The following ADAM29 variants were observed in gnomAD, a reference collection of about 807,000 sequenced individuals.
The protein encoded by ADAM29 is disintegrin and metalloproteinase domain-containing protein 29.
For missense variants in ADAM29, 969 were observed against 1,001.8 expected, an observed-to-expected ratio of 0.97 and a Z score of 0.44; for synonymous variants, 367 against 342.3, an observed-to-expected ratio of 1.07 and a Z score of -0.80.
In ADAM29 at chr4:174,943,701, C is replaced by A. The variant is rs182495740; in HGVS notation, c.-181+6688C>A. On this transcript the variant is annotated intron_variant, in intron 4 of 4. Coordinates refer to ENST00000359240, the MANE Select transcript of ADAM29 (RefSeq NM_014269.4). ...TTGGGTGGGGACACAAGAGTCAAACCATATTAAGGACCTTCTTTCGTCCTG... is the reference window on the plus strand; with the variant it reads ...TTGGGTGGGGACACAAGAGTCAAACAATATTAAGGACCTTCTTTCGTCCTG... 8.0e-3 allele frequency among the ~76,000 whole-genome samples: 1,224 copies of A among 152,108 alleles called. 8 individuals carry two copies. The highest frequency in any genetic ancestry group is 0.012 in the Non-Finnish European group (811 of 67,994).
At chr4:174,971,809 T>C (rs1412396428) in intron 4 of ADAM29, among the ~76,000 whole-genome samples, 3 of 152,270 alleles carry the variant, frequency 2.0e-5, no homozygotes, top group East Asian at 3.9e-4. Flanking sequence ...TTCTCTCTTC[T>C]CCTCTGATAC....
rs187901568 is a variant in ADAM29 at position 174,919,837 on chromosome 4, C to T, written c.-556-850C>T. On this transcript the variant is annotated intron_variant, in intron 1 of 4. Transcript: ENST00000359240. ...TTACATAATCCAATCACTCAAGTGA[C>T]ATTTATCATATTCAAAGATCCTACT... is the stretch of plus-strand genomic sequence containing the variant. Among the ~76,000 whole-genome samples, 17 of 152,292 alleles carry T rather than the reference C, an allele frequency of 1.1e-4. No homozygotes were observed. In the East Asian group the frequency reaches 3.3e-3, roughly 29 times the overall value.
chr4:174,926,251 C>A (rs755789989), intron 2 of ADAM29, among the ~76,000 whole-genome samples: 13 of 152,052 alleles, frequency 8.5e-5, no homozygotes, highest in Non-Finnish European at 1.6e-4. Context: ...AAAGAAAAAA[C>A]CGTATCGATA....
At chr4:174,971,054 T>G (rs188907425) in intron 4 of ADAM29, among the ~76,000 whole-genome samples, 17 of 152,174 alleles carry the variant, frequency 1.1e-4, no homozygotes, top group Admixed American at 7.2e-4. Flanking sequence ...TCCATTCATA[T>G]TGTGTCTCTT....
chr4:174,928,198 A>G (rs1743626804), intron 2 of ADAM29, among the ~76,000 whole-genome samples: 1 of 152,104 alleles, frequency 6.6e-6, no homozygotes, highest in South Asian at 2.1e-4. Flanking sequence ...ATTTATTATC[A>G]GTCCTGCCGG....
In ADAM29 at chr4:174,976,239, C is replaced by A. The variant is rs751454576; in HGVS notation, c.714C>A (p.Val238=). The A allele has an allele frequency of 1.7e-5, 27 of 1,605,012 alleles. No homozygotes were observed. The South Asian group carries it at 2.0e-4, about 12-fold the overall frequency. ...IVNIVDSILD[V]IGVKVLLFGL... ...ATATAGTGGATTCCATTTTGGATGT[C>A]ATTGGTGTTAAGGTGTTATTATTTG... is the stretch of plus-strand genomic sequence containing the variant. Residue 238 remains valine (V), a synonymous_variant, in exon 5 of 5, where the codon GTC becomes GTA. Transcript: ENST00000359240.
intron 4 of ADAM29, among the ~76,000 whole-genome samples, chr4:174,959,339 C>T (rs1012949326): frequency 6.6e-6 from 1 of 151,708 alleles, no homozygotes; most frequent in Non-Finnish European, 1.5e-5. Flanking sequence ...TAATTCTAAA[C>T]TTAATTCTTC....
chr4:174,930,754 C>T (rs888287021), intron 2 of ADAM29, among the ~76,000 whole-genome samples: 2 of 152,080 alleles, frequency 1.3e-5, no homozygotes, highest in African/African-American at 2.4e-5. Flanking sequence ...AGCCCACTAA[C>T]ACTGACAATT....
intron 4 of ADAM29, among the ~76,000 whole-genome samples, chr4:174,972,608 C>G (rs1226121897): frequency 1.4e-4 from 21 of 152,236 alleles, no homozygotes; most frequent in Non-Finnish European, 2.9e-5. Flanking sequence ...CTTTTCTTCT[C>G]TAGAAGAAAG....
chr4:174,960,151 A>G (rs1745725670), intron 4 of ADAM29, among the ~76,000 whole-genome samples: 1 of 152,006 alleles, frequency 6.6e-6, no homozygotes, highest in Non-Finnish European at 1.5e-5. Flanking sequence ...TATAGTGATA[A>G]TCTTTCTATC....
chr4:174,933,924 C>T (rs1012723404), intron 3 of ADAM29, among the ~76,000 whole-genome samples: 3 of 152,114 alleles, frequency 2.0e-5, no homozygotes, highest in Non-Finnish European at 4.4e-5. Flanking sequence ...GTGAATAGCG[C>T]TGCAATGAAC....
chr4:174,961,216 T>G (rs2111059965), intron 4 of ADAM29, among the ~76,000 whole-genome samples: 1 of 152,102 alleles, frequency 6.6e-6, no homozygotes, highest in South Asian at 2.1e-4. Context: ...TCTCATTATA[T>G]TGCTAGAAAA....
At chr4:174,949,008 G>A (rs1211636049) in intron 4 of ADAM29, among the ~76,000 whole-genome samples, 1 of 152,116 alleles carries the variant, frequency 6.6e-6, no homozygotes, top group South Asian at 2.1e-4. Context: ...GAAACTGGGT[G>A]GGCTGGTGTG....
chr4:174,961,720 G>A (rs895414836), intron 4 of ADAM29, among the ~76,000 whole-genome samples: 1 of 152,004 alleles, frequency 6.6e-6, no homozygotes, highest in Non-Finnish European at 1.5e-5. Context: ...TTTTATCACT[G>A]GCTTTCAGAT....
At chr4:174,946,341 T>G (rs1170181246) in intron 4 of ADAM29, among the ~76,000 whole-genome samples, 6 of 152,212 alleles carry the variant, frequency 3.9e-5, no homozygotes, top group African/African-American at 1.4e-4. Flanking sequence ...TTTTGTACTC[T>G]GTTTTGTATC....
intron 3 of ADAM29, among the ~76,000 whole-genome samples, chr4:174,934,671 T>C (rs1460112950): frequency 6.6e-6 from 1 of 152,176 alleles, no homozygotes; most frequent in Non-Finnish European, 1.5e-5. Context: ...CAGAGCTTCA[T>C]CCCCAGAGAT....
intron 4 of ADAM29, among the ~76,000 whole-genome samples, chr4:174,942,247 T>TG (rs1744581916): frequency 6.6e-6 from 1 of 152,166 alleles, no homozygotes; most frequent in East Asian, 1.9e-4. Context: ...GTCTGGAGGA[T>TG]GGTGGCCCTC....
At chr4:174,945,455 T>C (rs1010120286) in intron 4 of ADAM29, among the ~76,000 whole-genome samples, 2 of 152,164 alleles carry the variant, frequency 1.3e-5, no homozygotes, top group African/African-American at 4.8e-5. Flanking sequence ...GTCTTAAAAA[T>C]TTACTTTGTT....
intron 4 of ADAM29, among the ~76,000 whole-genome samples, chr4:174,959,201 CCTT>C (rs1465286021): frequency 1.3e-5 from 2 of 151,716 alleles, no homozygotes; most frequent in African/African-American, 4.8e-5. Flanking sequence ...TATTACTTCT[CCTT>C]TATTTTTGAA....
Sources: allele counts gnomAD v4.1 joint callset (sites outside exome capture counted in the v4.1 genomes callset), GRCh38; gene constraint gnomAD v4.1.1; transcripts MANE v1.5; gene names NCBI Gene and HGNC (gene_info 2026-07-23, HGNC 2026-07-21).